The following LAMA1 variants were observed in gnomAD, a reference collection of about 807,000 sequenced individuals.
LAMA1 encodes the protein laminin subunit alpha 1, also known as laminin subunit alpha-1.
A neutral mutation model predicts 348.7 loss-of-function variants in LAMA1; 219 were observed. The ratio of observed to expected loss-of-function variants is 0.63; its 90% confidence interval spans 0.56 to 0.70. The LOEUF (loss-of-function observed/expected upper bound fraction) is 0.70, where lower values mean the gene tolerates loss of function less well. Ranked by LOEUF, LAMA1 falls within the 30% of genes least tolerant of loss-of-function variation. The pLI, the probability that LAMA1 is intolerant of heterozygous loss-of-function variation, is 0.00. For missense variants in LAMA1, 3,744 were observed against 3,888.0 expected (o/e 0.96, Z 0.99); for synonymous variants, 1,487 against 1,491.0 (o/e 1.00, Z 0.06).
chr18:7,017,094 C>T (rs1033574285), intron 20 of LAMA1, among the ~76,000 whole-genome samples, 184 bp downstream of exon 20: 3 of 152,114 alleles, frequency 2.0e-5, no homozygotes, highest in Admixed American at 1.3e-4. Flanking sequence ...CTGAGGCCTC[C>T]CCAACCATGC....
At chr18:7,057,954 C>T (rs1479583573) in intron 3 of LAMA1, among the ~76,000 whole-genome samples, 1 of 151,568 alleles carries the variant, frequency 6.6e-6, no homozygotes, top group Non-Finnish European at 1.5e-5. Flanking sequence ...GCCACCACGT[C>T]CGGCCAATTT....
Position 7,023,332 on chromosome 18 carries a change from A to G in LAMA1, c.2533T>C (p.Ser845Pro). 5.6e-6 allele frequency: 9 copies of G among 1,614,186 alleles called. No homozygotes were observed. Among genetic ancestry groups the G allele is most frequent in the Non-Finnish European group, 7.6e-6 (9 of 1,180,032 alleles). Residue 845 changes from serine (S) to proline (P), a missense_variant, in exon 19 of 63, where the codon TCT (serine) becomes CCT (proline). Physicochemically the swap from Ser to Pro is moderately conservative, Grantham distance 74 (BLOSUM62 -1). This residue lies in a region of LAMA1 where 1,529 missense variants were observed against 1,689.4 expected (regional missense o/e 0.91). Transcript: ENST00000389658. ...CCGCTGCAGTCACAGGGAACACAAGATTCGCCAGGCACTGTTGGGTTTCCA... is the reference window on the plus strand; with the variant it reads ...CCGCTGCAGTCACAGGGAACACAAGGTTCGCCAGGCACTGTTGGGTTTCCA... ...YYGNPTVPGESCVPCDCSGNV... is the reference protein window; with the variant it reads ...YYGNPTVPGEPCVPCDCSGNV...
chr18:6,983,169 A>G lies in LAMA1; in HGVS notation c.5726T>C (p.Ile1909Thr), dbSNP rs199766289. ...ATSAAYVHYN[I>T]QSLIEESEEL... ...CTCCGATTCTTCAATCAGGCTCTGG[A>G]TGTTGTAATGGACATAGGCTGCACT... Residue 1909 changes from isoleucine to threonine, a missense_variant, in exon 40 of 63, where the codon ATC becomes ACC. By Grantham distance (89) the Ile-to-Thr change is moderately conservative. Around this residue, in one of 3 missense-constraint regions of LAMA1, gnomAD observed 1,983 missense variants for 1,934.3 expected, o/e 1.03. Transcript: ENST00000389658. 4.5e-5 allele frequency: 73 copies of G among 1,614,116 alleles called. No individual in the cohort carries two copies. In the African/African-American group the frequency reaches 7.6e-4, roughly 17 times the overall value.
At chr18:6,986,087 G>A in intron 37 of LAMA1, 50 bp downstream of exon 37, 1 of 1,598,420 alleles carries the variant, frequency 6.3e-7, no homozygotes, top group Middle Eastern at 1.8e-4. Context: ...TTACGTTGGA[G>A]TATTTTGTTA....
At chr18:6,957,640 G>T (rs891262804) in intron 55 of LAMA1, among the ~76,000 whole-genome samples, 1 of 152,120 alleles carries the variant, frequency 6.6e-6, no homozygotes, top group African/African-American at 2.4e-5. Flanking sequence ...GCAGATGCTG[G>T]TCCCACAGAG....
intron 29 of LAMA1, among the ~76,000 whole-genome samples, chr18:7,004,448 G>T (rs1473778291): frequency 6.6e-6 from 1 of 152,104 alleles, no homozygotes; most frequent in African/African-American, 2.4e-5. Flanking sequence ...TGCCTCCTGG[G>T]TTCAAGTGAT....
intron 57 of LAMA1, 155 bp downstream of exon 57, chr18:6,955,198 C>A: frequency 1.5e-6 from 1 of 684,768 alleles, no homozygotes; most frequent in Non-Finnish European, 2.6e-6. Context: ...TGATTTGCAC[C>A]AACACTGAAT....
intron 1 of LAMA1, among the ~76,000 whole-genome samples, chr18:7,081,406 C>G (rs1014388504): frequency 1.3e-5 from 2 of 152,108 alleles, no homozygotes; most frequent in Non-Finnish European, 2.9e-5. Flanking sequence ...CTATAATTAT[C>G]TAGGATTTTT....
rs568978743 is a variant in LAMA1 at position 6,983,259 on chromosome 18, C to T, written c.5661-25G>A. 447 of 1,613,744 alleles carry T rather than the reference C, an allele frequency of 2.8e-4. 10 individuals carry two copies. In the South Asian group the frequency reaches 4.7e-3, roughly 17 times the overall value. On this transcript the variant is annotated intron_variant, in intron 39 of 62. Coordinates refer to ENST00000389658, the MANE Select transcript of LAMA1 (RefSeq NM_005559.4). ...ACTATCAAAGCAGCATATTTAGATA[C>T]GTTATGATAAACTAAATCAAACTTG... is the stretch of plus-strand genomic sequence containing the variant.
At chr18:7,088,436 AGCCATGCAT>A (rs775437328) in intron 1 of LAMA1, among the ~76,000 whole-genome samples, 1 of 152,168 alleles carries the variant, frequency 6.6e-6, no homozygotes, top group African/African-American at 2.4e-5. Context: ...AGAGGGAGCT[AGCCATGCAT>A]GGGTAACACT....
chr18:6,944,146 G>C (rs533140846), intron 61 of LAMA1, among the ~76,000 whole-genome samples: 1 of 152,108 alleles, frequency 6.6e-6, no homozygotes, highest in Non-Finnish European at 1.5e-5. Flanking sequence ...CTCCCGCATA[G>C]CTGGGATTAC....
In LAMA1 at chr18:6,966,052, T is replaced by C. The variant is rs943973925; in HGVS notation, c.7050+95A>G. ...AAATTGTATGGTATACATATGTACA[T>C]ATTTAATTAGTAAATCCTCATTAAA... is the stretch of plus-strand genomic sequence containing the variant. On this transcript the variant is annotated intron_variant, in intron 49 of 62. Transcript: ENST00000389658. 19 of 1,359,586 alleles carry C rather than the reference T, an allele frequency of 1.4e-5. No homozygotes were observed. The African/African-American group carries it at 2.6e-4, about 19-fold the overall frequency. 84.2% of individuals were successfully genotyped at this position (1,359,586 alleles called of 1,614,324 possible). A position where few individuals can be genotyped will look rare whatever the true frequency, so the allele number is the denominator to read the frequency against.
At chr18:6,949,816 G>A (rs967762339) in intron 58 of LAMA1, among the ~76,000 whole-genome samples, 1 of 152,196 alleles carries the variant, frequency 6.6e-6, no homozygotes, top group African/African-American at 2.4e-5. Context: ...TTAAGGAAAT[G>A]CCACAAGGTT....
At chr18:7,115,819 A>AAAAAAAAAC (rs1568075550) in intron 1 of LAMA1, among the ~76,000 whole-genome samples, 6 of 53,800 alleles carry the variant, frequency 1.1e-4, no homozygotes, top group South Asian at 1.1e-3. Flanking sequence ...AAATACAAAA[A>AAAAAAAAAC]AAAAAAAAAA....
chr18:6,963,979 G>A (rs1415421340), intron 51 of LAMA1: 2 of 153,702 alleles, frequency 1.3e-5, no homozygotes, highest in Non-Finnish European at 2.9e-5. Context: ...ACCACACAAA[G>A]GAGAATCCAG....
intron 3 of LAMA1, among the ~76,000 whole-genome samples, chr18:7,066,966 T>C (rs1187217935): frequency 6.6e-6 from 1 of 152,250 alleles, no homozygotes; most frequent in African/African-American, 2.4e-5. Context: ...TAGCCCCAAA[T>C]TGGAAACACC....
chr18:6,967,346 G>A (rs2057637871), intron 48 of LAMA1, among the ~76,000 whole-genome samples: 1 of 152,154 alleles, frequency 6.6e-6, no homozygotes, highest in Admixed American at 6.5e-5. Context: ...TTAAGCCTGT[G>A]GCTTCCTAGC....
chr18:7,045,837 G>A (rs1268025921), intron 6 of LAMA1, among the ~76,000 whole-genome samples: 1 of 152,048 alleles, frequency 6.6e-6, no homozygotes, highest in Non-Finnish European at 1.5e-5. Flanking sequence ...GGGATTACAG[G>A]TGTAAGCCAC....
rs775027999 is a variant in LAMA1 at position 7,008,470 on chromosome 18, C to T, written c.4122+18G>A. Reference sequence around the variant, plus strand: ...CAACTCAAACCCAGGAAATAGATTTCGACTAGAGTCTCCGTACCTGACATG... The same window carrying T: ...CAACTCAAACCCAGGAAATAGATTTTGACTAGAGTCTCCGTACCTGACATG... On this transcript the variant is annotated intron_variant, in intron 28 of 62. Coordinates refer to ENST00000389658, the MANE Select transcript of LAMA1 (RefSeq NM_005559.4). 4.3e-6 allele frequency: 7 copies of T among 1,613,418 alleles called. No individual in the cohort carries two copies. The African/African-American group carries it at 5.3e-5, about 12-fold the overall frequency.
Sources: allele counts gnomAD v4.1 joint callset (sites outside exome capture counted in the v4.1 genomes callset), GRCh38; gene constraint gnomAD v4.1.1; regional missense constraint gnomAD v4.1.1; transcripts MANE v1.5; gene names NCBI Gene and HGNC (gene_info 2026-07-23, HGNC 2026-07-21).